The following PVT1 variants were observed in gnomAD, a reference collection of about 807,000 sequenced individuals.
PVT1 encodes CXCR4/PVT1 fusion.
chr8:128,071,812 A>AT (rs1813999520), intron 5 of PVT1, among the ~76,000 whole-genome samples: 1 of 152,142 alleles, frequency 6.6e-6, no homozygotes, highest in Admixed American at 6.5e-5. Flanking sequence ...CTACGATCTC[A>AT]TAGATATCTC....
At chr8:127,960,666 C>T (rs753485548) in intron 3 of PVT1, 2 of 527,322 alleles carry the variant, frequency 3.8e-6, no homozygotes, top group African/African-American at 3.9e-5. Flanking sequence ...TGAGGTACTT[C>T]CTTCCTGTCA....
chr8:128,095,227 C>T (rs551584114), intron 5 of PVT1, among the ~76,000 whole-genome samples: 1 of 152,244 alleles, frequency 6.6e-6, no homozygotes, highest in Non-Finnish European at 1.5e-5. Flanking sequence ...CAGCTGTGCC[C>T]CTCACAAGTT....
chr8:127,822,771 A>G (rs1814747894), intron 2 of PVT1, among the ~76,000 whole-genome samples: 1 of 152,170 alleles, frequency 6.6e-6, no homozygotes, highest in Non-Finnish European at 1.5e-5. Flanking sequence ...CAGGGCTGAG[A>G]TGGATGAAAG....
chr8:127,873,271 C>G (rs1395113382), intron 2 of PVT1, among the ~76,000 whole-genome samples: 1 of 152,176 alleles, frequency 6.6e-6, no homozygotes, highest in African/African-American at 2.4e-5. Context: ...GATTTACCTT[C>G]AGCTCTTTTA....
At chr8:127,891,660 G>A (rs1815604139) in intron 3 of PVT1, among the ~76,000 whole-genome samples, 1 of 152,236 alleles carries the variant, frequency 6.6e-6, no homozygotes, top group Non-Finnish European at 1.5e-5. Context: ...CATGTGGTGG[G>A]TGATGTTGGC....
chr8:127,873,722 A>G (rs1262179249), intron 2 of PVT1, among the ~76,000 whole-genome samples: 2 of 152,188 alleles, frequency 1.3e-5, no homozygotes, highest in East Asian at 3.8e-4. Context: ...GAGATTTCAG[A>G]GCCTGGGCTT....
At chr8:127,937,029 T>A (rs949612360) in intron 3 of PVT1, among the ~76,000 whole-genome samples, 2 of 152,212 alleles carry the variant, frequency 1.3e-5, no homozygotes, top group Admixed American at 1.3e-4. Context: ...TAATTTCCTG[T>A]CCCCGTTTTA....
chr8:127,868,955 A>G (rs1815322570), intron 2 of PVT1, among the ~76,000 whole-genome samples: 1 of 151,244 alleles, frequency 6.6e-6, no homozygotes, highest in African/African-American at 2.4e-5. Flanking sequence ...CTGCTGGACC[A>G]AAGTCAATAA....
chr8:128,008,812 C>A (rs916102487), intron 4 of PVT1: 15 of 435,184 alleles, frequency 3.4e-5, no homozygotes, highest in Non-Finnish European at 6.6e-5. Context: ...ATTGAAGGGG[C>A]TCCCTGCAGG....
chr8:127,817,769 C>T (rs2129674209), intron 2 of PVT1, among the ~76,000 whole-genome samples: 1 of 150,974 alleles, frequency 6.6e-6, no homozygotes, highest in Non-Finnish European at 1.5e-5. Flanking sequence ...TGGCATGTGC[C>T]TGCAGTCCCA....
At chr8:127,930,707 C>A (rs1357130245) in intron 3 of PVT1, among the ~76,000 whole-genome samples, 31 of 152,022 alleles carry the variant, frequency 2.0e-4, no homozygotes, top group Non-Finnish European at 4.4e-5. Context: ...CCCTTCGTAC[C>A]CCCTCACTGA....
chr8:127,859,818 C>T (rs778463779), intron 2 of PVT1, among the ~76,000 whole-genome samples: 2 of 151,984 alleles, frequency 1.3e-5, no homozygotes, highest in Non-Finnish European at 2.9e-5. Flanking sequence ...CCATCTAGGT[C>T]GAAGGTAGTT....
intron 3 of PVT1, among the ~76,000 whole-genome samples, chr8:127,938,352 T>C (rs1161970383): frequency 6.6e-6 from 1 of 152,052 alleles, no homozygotes; most frequent in African/African-American, 2.4e-5. Context: ...CAAATCACAG[T>C]GTGTTTCCTT....
At chr8:127,809,339 A>T (rs892624472) in intron 2 of PVT1, among the ~76,000 whole-genome samples, 2 of 152,118 alleles carry the variant, frequency 1.3e-5, no homozygotes, top group Non-Finnish European at 2.9e-5. Context: ...CTACAGGTGC[A>T]TGGCACCACC....
At chr8:128,042,997 C>T (rs915540260) in intron 4 of PVT1, among the ~76,000 whole-genome samples, 6 of 152,054 alleles carry the variant, frequency 3.9e-5, no homozygotes, top group African/African-American at 1.4e-4. Flanking sequence ...CTCCTGGCCT[C>T]AGGTGATCCG....
chr8:127,871,000 G>A (rs528569768), intron 2 of PVT1, among the ~76,000 whole-genome samples: 2 of 152,202 alleles, frequency 1.3e-5, no homozygotes, highest in African/African-American at 4.8e-5. Context: ...ACTAGGGAGG[G>A]CAGGAAGTTC....
chr8:127,877,174 G>A (rs946368885), intron 2 of PVT1, among the ~76,000 whole-genome samples: 1 of 152,192 alleles, frequency 6.6e-6, no homozygotes, highest in South Asian at 2.1e-4. Flanking sequence ...CCTAGAATGT[G>A]CCCAGATTCT....
At chr8:128,038,099 C>T (rs925132950) in intron 4 of PVT1, among the ~76,000 whole-genome samples, 5 of 152,152 alleles carry the variant, frequency 3.3e-5, no homozygotes, top group East Asian at 1.9e-4. Flanking sequence ...AGGTGACAAC[C>T]GTGGTCTTAT....
intron 3 of PVT1, among the ~76,000 whole-genome samples, chr8:127,978,060 T>C (rs1816840579): frequency 1.3e-5 from 2 of 152,224 alleles, no homozygotes; most frequent in African/African-American, 4.8e-5. Flanking sequence ...TCTTCTCTTC[T>C]CTTGCATGCT....
Sources: allele counts gnomAD v4.1 joint callset (sites outside exome capture counted in the v4.1 genomes callset), GRCh38; gene constraint gnomAD v4.1.1; transcripts MANE v1.5; gene names NCBI Gene and HGNC (gene_info 2026-07-23, HGNC 2026-07-21).